Variants in GLYATL3 observed in about 807,000 individuals in gnomAD.
GLYATL3 encodes the protein glycine-N-acyltransferase like 3.
A neutral mutation model predicts 28.5 loss-of-function variants in GLYATL3; 31 were observed. The ratio of observed to expected loss-of-function variants is 1.09; its 90% CI spans 0.82 to 1.47. The LOEUF (loss-of-function observed/expected upper bound fraction) is 1.47, where lower values mean the gene tolerates loss of function less well. Ranked by LOEUF, GLYATL3 falls within the 40% of genes most tolerant of loss-of-function variation. GLYATL3 has a pLI of 0.00. For synonymous variants in GLYATL3, 141 were observed against 140.2 expected, an observed-to-expected ratio of 1.01 and a Z score of -0.04; for missense variants, 369 against 351.5, an observed-to-expected ratio of 1.05 and a Z score of -0.40.
intron 1 of GLYATL3, among the ~76,000 whole-genome samples, chr6:49,502,951 C>A (rs1389208231): frequency 6.6e-6 from 1 of 152,162 alleles, no homozygotes; most frequent in Non-Finnish European, 1.5e-5. Flanking sequence ...TCAATCCAAG[C>A]ATACAAGTAA....
intron 1 of GLYATL3, among the ~76,000 whole-genome samples, chr6:49,503,205 C>T (rs759622346): frequency 1.2e-4 from 19 of 152,116 alleles, no homozygotes; most frequent in Non-Finnish European, 2.6e-4. Context: ...TTTACTGTCC[C>T]ATCTTTGAAT....
At chr6:49,512,685 T>C (rs967871572) in intron 2 of GLYATL3, among the ~76,000 whole-genome samples, 1 of 152,234 alleles carries the variant, frequency 6.6e-6, no homozygotes, top group Non-Finnish European at 1.5e-5. Context: ...GCTGAATTTC[T>C]TGAGCAAGGA....
At chr6:49,520,824 T>C (rs1223903600) in intron 4 of GLYATL3, among the ~76,000 whole-genome samples, 1 of 152,078 alleles carries the variant, frequency 6.6e-6, no homozygotes, top group African/African-American at 2.4e-5. Context: ...GAGACCAACC[T>C]GGACTTATAG....
chr6:49,504,212 ATT>A (rs58995775), intron 1 of GLYATL3, among the ~76,000 whole-genome samples: 1 of 148,122 alleles, frequency 6.8e-6, no homozygotes, highest in African/African-American at 2.5e-5. Context: ...TAGCATGGTT[ATT>A]TTTTTTCTTT....
Position 49,527,626 on chromosome 6 carries a change from G to A in GLYATL3, c.*712G>A, listed in dbSNP as rs1331987874. Among the ~76,000 whole-genome samples, 1 of 152,126 alleles carries A rather than the reference G, an allele frequency of 6.6e-6. No homozygotes were observed. The highest frequency in any genetic ancestry group is 1.5e-5 in the Non-Finnish European group (1 of 68,030). On this transcript the variant is annotated 3_prime_UTR_variant, in exon 6 of 6. Transcript: ENST00000371197. ...AGCTTCCCACTGCTTATTTGCCTTG[G>A]ATGAATGACAATATGGGCATTTTGA...
intron 2 of GLYATL3, among the ~76,000 whole-genome samples, chr6:49,512,411 T>C (rs1310098520): frequency 6.6e-6 from 1 of 151,794 alleles, no homozygotes; most frequent in Admixed American, 6.6e-5. Context: ...TTTTAAGCCC[T>C]ACATGCATTA....
At chr6:49,523,338 A>C (rs1275307425) in intron 5 of GLYATL3, among the ~76,000 whole-genome samples, 2 of 152,222 alleles carry the variant, frequency 1.3e-5, no homozygotes, top group African/African-American at 4.8e-5. Flanking sequence ...GATTACAGGC[A>C]TGAGCCACCG....
rs563382544 is a variant in GLYATL3, at chr6:49,527,646, T to C, written c.*732T>C. On this transcript the variant is annotated 3_prime_UTR_variant, in exon 6 of 6. Coordinates refer to ENST00000371197, the MANE Select transcript of GLYATL3 (RefSeq NM_001010904.2). ...CCTTGGATGAATGACAATATGGGCA[T>C]TTTGATGCTATAAACAAATGCTGTC... Among the ~76,000 whole-genome samples, 2 of 152,196 alleles carry C rather than the reference T, an allele frequency of 1.3e-5. No individual in the cohort carries two copies. Among genetic ancestry groups the C allele is most frequent in the Non-Finnish European group, 2.9e-5 (2 of 68,024 alleles).
At position 49,525,560 on chromosome 6, in the gene GLYATL3, C is replaced by CAAAAAAAAA. The variant is rs56711143; in HGVS notation, c.441-901_441-893dup. Among the ~76,000 whole-genome samples, 15 of 66,594 alleles carry CAAAAAAAAA rather than the reference C, an allele frequency of 2.3e-4. 2 individuals carry two copies. The highest frequency in any genetic ancestry group is 9.8e-4 in the African/African-American group (15 of 15,300). 43.7% of individuals were successfully genotyped at this position (66,594 alleles called of 152,430 possible). A position where few individuals can be genotyped will look rare whatever the true frequency, so the allele number is the denominator to read the frequency against. On this transcript the variant is annotated intron_variant, in intron 5 of 5. Coordinates refer to ENST00000371197, the MANE Select transcript of GLYATL3 (RefSeq NM_001010904.2). ...AAACTGAGAGACAGAGCAAGGCTCT[C>CAAAAAAAAA]AAAAAAAAAAAAAAAAAAAAAAAAA...
chr6:49,511,055 C>A (rs927184166), intron 1 of GLYATL3, among the ~76,000 whole-genome samples: 6 of 152,192 alleles, frequency 3.9e-5, no homozygotes, highest in African/African-American at 1.4e-4. Flanking sequence ...TCCACCACAA[C>A]CCCAGAGGCA....
chr6:49,521,537 C>T (rs1178530971), intron 4 of GLYATL3, 108 bp from the exon 5 acceptor site: 1 of 871,740 alleles, frequency 1.1e-6, no homozygotes, highest in African/African-American at 1.7e-5. Flanking sequence ...TACAAGGTGG[C>T]AAACTGCTAG....
At chr6:49,517,824 T>C (rs1769244829) in intron 4 of GLYATL3, among the ~76,000 whole-genome samples, 1 of 152,166 alleles carries the variant, frequency 6.6e-6, no homozygotes, top group African/African-American at 2.4e-5. Context: ...AGGTGACATG[T>C]TTTTTCTACT....
At chr6:49,524,424 T>A (rs1001566337) in intron 5 of GLYATL3, among the ~76,000 whole-genome samples, 3 of 152,200 alleles carry the variant, frequency 2.0e-5, no homozygotes, top group African/African-American at 7.2e-5. Flanking sequence ...CTTATGATAT[T>A]AATAGCTTTA....
intron 3 of GLYATL3, 79 bp from the exon 4 acceptor site, chr6:49,517,351 T>A: frequency 7.9e-7 from 1 of 1,265,716 alleles, no homozygotes; most frequent in South Asian, 1.8e-5. Flanking sequence ...CATGTCCAGC[T>A]AACGGTATCT....
chr6:49,524,000 C>CTTTTTT (rs67853821), intron 5 of GLYATL3, among the ~76,000 whole-genome samples: 7 of 145,322 alleles, frequency 4.8e-5, no homozygotes, highest in Non-Finnish European at 7.6e-5. Context: ...GACATTTTGT[C>CTTTTTT]TTTTTTTTTT....
intron 1 of GLYATL3, among the ~76,000 whole-genome samples, chr6:49,502,589 AAC>A (rs1289469628): frequency 6.6e-6 from 1 of 152,194 alleles, no homozygotes; most frequent in Non-Finnish European, 1.5e-5. Flanking sequence ...CCATCCAGAT[AAC>A]AGTTTGTCAG....
chr6:49,527,180 T>C lies in GLYATL3; in HGVS notation c.*266T>C. Reference sequence around the variant, plus strand: ...TAGGATCCACTGTAGGAGAATAGGTTCTAAAGCCAGCAGTTTTAGTGTACT... The same window carrying C: ...TAGGATCCACTGTAGGAGAATAGGTCCTAAAGCCAGCAGTTTTAGTGTACT... On this transcript the variant is annotated 3_prime_UTR_variant, in exon 6 of 6. Coordinates refer to ENST00000371197, the MANE Select transcript of GLYATL3 (RefSeq NM_001010904.2). 1 of 395,908 alleles carries C rather than the reference T, an allele frequency of 2.5e-6. No homozygotes were observed. The highest frequency in any genetic ancestry group is 6.5e-5 in the South Asian group (1 of 15,316). 24.5% of individuals were successfully genotyped at this position (395,908 alleles called of 1,614,324 possible).
intron 2 of GLYATL3, 41 bp from the exon 3 acceptor site, chr6:49,515,612 C>A: frequency 2.7e-6 from 3 of 1,128,744 alleles, no homozygotes; most frequent in Non-Finnish European, 3.9e-6. Flanking sequence ...AGTGAAACAG[C>A]TAATAGTATG....
At position 49,526,843 on chromosome 6, in the gene GLYATL3, G is replaced by A; in HGVS notation, c.796G>A (p.Glu266Lys). Residue 266 changes from glutamate (E) to lysine (K), a missense_variant, in exon 6 of 6, where the codon GAG becomes AAG. Transcript: ENST00000371197. ...AAGCCTCCTGAAGAGTCTCCATGCTGAGTTCTTGCCTTGTCGCTTCCACAG... is the reference window on the plus strand; with the variant it reads ...AAGCCTCCTGAAGAGTCTCCATGCTAAGTTCTTGCCTTGTCGCTTCCACAG... ...SISLLKSLHA[E>K]FLPCRFHRLI... 1 of 1,552,108 alleles carries A rather than the reference G, an allele frequency of 6.4e-7. No homozygotes were observed. The highest frequency in any genetic ancestry group is 8.7e-7 in the Non-Finnish European group (1 of 1,147,038).
Sources: gnomAD v4.1 joint callset for allele counts (sites outside exome capture counted in the v4.1 genomes callset) on GRCh38, gnomAD v4.1.1 for gene constraint, MANE v1.5 for transcripts, NCBI Gene and HGNC (gene_info 2026-07-23, HGNC 2026-07-21) for gene names.